CACHD1: variants seen among roughly 807,000 people sequenced by gnomAD.
CACHD1 encodes the protein cache domain containing 1, also known as VWFA and cache domain-containing protein 1.
Under a neutral mutation model 138.7 loss-of-function variants are expected in CACHD1, and 71 were observed. The ratio of observed to expected loss-of-function variants is 0.51; its 90% confidence interval spans 0.42 to 0.62. The LOEUF (loss-of-function observed/expected upper bound fraction) is 0.62. Among genes scored for constraint, CACHD1 ranks in the 20% least tolerant of loss-of-function variants. The pLI, the probability that CACHD1 is intolerant of heterozygous loss-of-function variation, is 0.00. For missense variants in CACHD1, 1,389 were observed against 1,625.3 expected (o/e 0.85, Z 2.50); for synonymous variants, 578 against 591.5 (o/e 0.98, Z 0.33).
intron 2 of CACHD1, among the ~76,000 whole-genome samples, chr1:64,569,600 T>TA (rs1363733475): frequency 6.6e-6 from 1 of 152,164 alleles, no homozygotes; most frequent in Non-Finnish European, 1.5e-5. Context: ...AAGAGACATG[T>TA]AAGCTCCCAC....
intron 3 of CACHD1, among the ~76,000 whole-genome samples, chr1:64,588,800 A>T (rs1647073814): frequency 6.6e-6 from 1 of 152,146 alleles, no homozygotes; most frequent in South Asian, 2.1e-4. Flanking sequence ...GTCTTTATTT[A>T]AAAAGAAGGG....
intron 4 of CACHD1, among the ~76,000 whole-genome samples, chr1:64,625,529 A>G (rs1648066435): frequency 6.6e-6 from 1 of 152,060 alleles, no homozygotes; most frequent in Non-Finnish European, 1.5e-5. Flanking sequence ...TGGGCGGCTG[A>G]GGCAGGAGAA....
intron 2 of CACHD1, among the ~76,000 whole-genome samples, chr1:64,578,199 T>G (rs547894373): frequency 5.9e-5 from 9 of 152,252 alleles, no homozygotes; most frequent in Admixed American, 5.2e-4. Context: ...ACACAGACTT[T>G]GAATTTGTAT....
intron 3 of CACHD1, among the ~76,000 whole-genome samples, chr1:64,597,526 T>G (rs867536153): frequency 3.4e-3 from 63 of 18,770 alleles, no homozygotes; most frequent in Non-Finnish European, 0.022. Flanking sequence ...TTTTTGTTGT[T>G]TTTTTTTTTT....
intron 24 of CACHD1, 33 bp from the exon 25 acceptor site, chr1:64,681,225 T>A: frequency 1.3e-6 from 2 of 1,543,908 alleles, no homozygotes; most frequent in Non-Finnish European, 1.8e-6. Flanking sequence ...TTTGATTAAA[T>A]AGTCATGTTT....
intron 1 of CACHD1, among the ~76,000 whole-genome samples, chr1:64,507,248 T>G (rs753086771): frequency 1.3e-5 from 2 of 152,228 alleles, no homozygotes; most frequent in African/African-American, 4.8e-5. Flanking sequence ...TACCCTACTT[T>G]CGTGCCTCTG....
intron 2 of CACHD1, among the ~76,000 whole-genome samples, chr1:64,562,721 C>T (rs936666266): frequency 6.6e-6 from 1 of 152,022 alleles, no homozygotes; most frequent in Non-Finnish European, 1.5e-5. Flanking sequence ...GTGCCTGGCC[C>T]TATTTGTTTC....
intron 7 of CACHD1, among the ~76,000 whole-genome samples, chr1:64,638,443 C>T (rs1313205404): frequency 6.6e-6 from 1 of 152,188 alleles, no homozygotes; most frequent in African/African-American, 2.4e-5. Context: ...ACTAATTTGC[C>T]TTATATCAAC....
At chr1:64,508,225 G>T (rs1048770776) in intron 1 of CACHD1, among the ~76,000 whole-genome samples, 4 of 152,168 alleles carry the variant, frequency 2.6e-5, no homozygotes, top group Admixed American at 2.0e-4. Flanking sequence ...CTTCCCACCA[G>T]GCCCCTCCGT....
chr1:64,675,416 C>A lies in CACHD1; in HGVS notation c.2743C>A (p.Leu915Ile). The A allele has an allele frequency of 1.3e-6, 2 of 1,598,674 alleles. No individual in the cohort carries two copies. Among genetic ancestry groups the A allele is most frequent in the Non-Finnish European group, 1.7e-6 (2 of 1,167,852 alleles). ...TGTTCTGTAGGGGGATTTGACGAAC[C>A]TTGTGCATGGCAGCCACTGTTCCAA... ...NTSLAGDLTN[L>I]VHGSHCSKYR... Residue 915 changes from leucine to isoleucine, a missense_variant, in exon 20 of 27, where the codon CTT becomes ATT. Coordinates refer to ENST00000651257, the MANE Select transcript of CACHD1 (RefSeq NM_020925.4).
chr1:64,525,036 C>G (rs1646526108), intron 1 of CACHD1, among the ~76,000 whole-genome samples: 1 of 152,116 alleles, frequency 6.6e-6, no homozygotes, highest in African/African-American at 2.4e-5. Context: ...TTTCTTTGTA[C>G]CTCCATATCC....
intron 8 of CACHD1, among the ~76,000 whole-genome samples, chr1:64,644,794 C>T (rs1452076382): frequency 2.0e-5 from 3 of 152,164 alleles, no homozygotes; most frequent in Non-Finnish European, 2.9e-5. Context: ...AATTTGTTGT[C>T]GGCTAAAAAT....
chr1:64,602,809 C>T lies in CACHD1; in HGVS notation c.414C>T (p.Phe138=), dbSNP rs527836063. 6.9e-5 allele frequency: 111 copies of T among 1,606,416 alleles called. No homozygotes were observed. In the South Asian group the frequency reaches 6.9e-4, roughly 10 times the overall value. The change falls in exon 4 of 27, where the codon TTC becomes TTT. Residue 138 remains phenylalanine, a synonymous_variant. Transcript: ENST00000651257. ...CCTIPPSMME[F]DGNFNTNVSR... ...TAATTCTCTCCTATTGTTTCAGATTCGATGGGAACTTTAATACCAATGTGT... is the reference window on the plus strand; with the variant it reads ...TAATTCTCTCCTATTGTTTCAGATTTGATGGGAACTTTAATACCAATGTGT...
chr1:64,642,470 G>A (rs901113234), intron 8 of CACHD1, among the ~76,000 whole-genome samples: 1 of 152,172 alleles, frequency 6.6e-6, no homozygotes, highest in Non-Finnish European at 1.5e-5. Context: ...ACCTTGCAGT[G>A]TTGTTGTGAG....
In CACHD1 at chr1:64,689,967, C is replaced by T. The variant is rs566293817; in HGVS notation, c.3587-1356C>T. ...GTTTTGTGAGCATCTGTCTCAAACTCAACTGTAAAATCATTAGGGAAAGAT... is the reference window on the plus strand; with the variant it reads ...GTTTTGTGAGCATCTGTCTCAAACTTAACTGTAAAATCATTAGGGAAAGAT... On this transcript the variant is annotated intron_variant, in intron 26 of 26. Coordinates refer to ENST00000651257, the MANE Select transcript of CACHD1 (RefSeq NM_020925.4). Among the ~76,000 whole-genome samples, 346 of 152,312 alleles carry T rather than the reference C, an allele frequency of 2.3e-3. 1 individual carries two copies. The highest frequency in any genetic ancestry group is 0.014 in the Middle Eastern group (4 of 294).
At chr1:64,608,750 T>C (rs1315289737) in intron 4 of CACHD1, among the ~76,000 whole-genome samples, 1 of 152,186 alleles carries the variant, frequency 6.6e-6, no homozygotes, top group Non-Finnish European at 1.5e-5. Context: ...TATCCCTACT[T>C]TCTCACTCTC....
chr1:64,506,300 T>C (rs1646376300), intron 1 of CACHD1: 1 of 152,256 alleles, frequency 6.6e-6, no homozygotes, highest in African/African-American at 2.4e-5. Flanking sequence ...TCTTCAGGGA[T>C]GCAGACAGGT....
intron 2 of CACHD1, among the ~76,000 whole-genome samples, chr1:64,581,621 G>A (rs987024678): frequency 4.6e-5 from 7 of 152,166 alleles, no homozygotes; most frequent in African/African-American, 1.7e-4. Context: ...TATATGGATT[G>A]TACAACTCCA....
chr1:64,685,692 G>T (rs1650344914), intron 26 of CACHD1, among the ~76,000 whole-genome samples: 1 of 151,940 alleles, frequency 6.6e-6, no homozygotes, highest in Non-Finnish European at 1.5e-5. Flanking sequence ...AAAAAAATTA[G>T]CCAGGCATGG....
Sources: allele counts gnomAD v4.1 joint callset (sites outside exome capture counted in the v4.1 genomes callset), GRCh38; gene constraint gnomAD v4.1.1; transcripts MANE v1.5; gene names NCBI Gene and HGNC (gene_info 2026-07-23, HGNC 2026-07-21).